Variants in ADGRD1 observed in about 807,000 individuals in gnomAD.
ADGRD1 encodes G-protein coupled receptor 133.
Under a neutral mutation model 113.4 loss-of-function variants are expected in ADGRD1, and 77 were observed. The observed-to-expected ratio is 0.68, with a 90% confidence interval of 0.57 to 0.82. ADGRD1 has a LOEUF of 0.82. Among genes scored for constraint, ADGRD1 ranks in the 40% least tolerant of loss-of-function variants. The pLI is 0.00. For synonymous variants in ADGRD1, 474 were observed against 475.0 expected, an observed-to-expected ratio of 1.00 and a Z score of 0.03; for missense variants, 1,036 against 1,139.1, an observed-to-expected ratio of 0.91 and a Z score of 1.30.
In ADGRD1 at chr12:131,003,097, A is replaced by C; in HGVS notation, c.1027-88A>C. 9.3e-7 allele frequency: 1 copy of C among 1,074,734 alleles called. No individual in the cohort carries two copies. Among genetic ancestry groups the C allele is most frequent in the Non-Finnish European group, 1.4e-6 (1 of 693,364 alleles). The allele number at this position is 1,074,734 out of a possible 1,614,324, so 66.6% of individuals were successfully genotyped here. A position where few individuals can be genotyped will look rare whatever the true frequency, so the allele number is the denominator to read the frequency against. Reference sequence around the variant, plus strand: ...CCTCCCTCGTGGCCAACGTGGGGAAACTTGATTTTGTGTGCCTGGTGCACC... The same window carrying C: ...CCTCCCTCGTGGCCAACGTGGGGAACCTTGATTTTGTGTGCCTGGTGCACC... On this transcript the variant is annotated intron_variant, in intron 9 of 24. Coordinates refer to ENST00000261654, the MANE Select transcript of ADGRD1 (RefSeq NM_198827.5). This position sits in a 1 kb window ranked among gnomAD's most constrained non-coding sequence, Gnocchi z 4.8.
intron 12 of ADGRD1, among the ~76,000 whole-genome samples, chr12:131,009,681 G>A (rs1022013423): frequency 1.3e-5 from 2 of 151,900 alleles, no homozygotes; most frequent in Admixed American, 6.6e-5. Context: ...GCATGTATGT[G>A]CTTGTGTGGT....
chr12:131,102,417 T>A (rs1443747605), intron 15 of ADGRD1, among the ~76,000 whole-genome samples: 1 of 152,166 alleles, frequency 6.6e-6, no homozygotes, highest in African/African-American at 2.4e-5. Context: ...TGCCTACCCC[T>A]CCCACAAGGC....
chr12:131,083,875 C>T (rs1391850080), intron 14 of ADGRD1, among the ~76,000 whole-genome samples: 1 of 152,150 alleles, frequency 6.6e-6, no homozygotes, highest in Non-Finnish European at 1.5e-5. Flanking sequence ...GCGGTAACAC[C>T]GTGGGGAGTT....
In ADGRD1 at chr12:131,022,482, G is replaced by A. The variant is rs963024859; in HGVS notation, c.1473+8142G>A. The stretch of plus-strand genomic sequence containing the variant: ...TTTATTAATTGGAATTCTGTGATAA[G>A]TACAAACCGTGATTTATTTATTCAG... On this transcript the variant is annotated intron_variant, in intron 13 of 24. Coordinates refer to ENST00000261654, the MANE Select transcript of ADGRD1 (RefSeq NM_198827.5). The surrounding 1 kb of genome is among the most constrained non-coding windows in gnomAD (Gnocchi z 4.6). 6.6e-6 allele frequency among the ~76,000 whole-genome samples: 1 copy of A among 152,138 alleles called. No homozygotes were observed. The highest frequency in any genetic ancestry group is 2.4e-5 in the African/African-American group (1 of 41,420).
chr12:131,117,011 G>T (rs1257948112), intron 18 of ADGRD1, among the ~76,000 whole-genome samples: 2 of 152,256 alleles, frequency 1.3e-5, no homozygotes, highest in Non-Finnish European at 2.9e-5. Flanking sequence ...AGCTTGAGGA[G>T]TGTTGCAATG....
chr12:131,024,255 G>A (rs1457986599), intron 13 of ADGRD1: 1 of 152,296 alleles, frequency 6.6e-6, no homozygotes, highest in African/African-American at 2.4e-5. Flanking sequence ...TGTGACGTCA[G>A]GGTCAGAGAG....
At chr12:131,074,015 A>T (rs1219040339) in intron 13 of ADGRD1, among the ~76,000 whole-genome samples, 2 of 152,222 alleles carry the variant, frequency 1.3e-5, no homozygotes, top group African/African-American at 4.8e-5. Context: ...AGCAATACTT[A>T]CATAAAAGCC....
chr12:131,108,652 A>T, intron 17 of ADGRD1, 72 bp from the exon 18 acceptor site: 1 of 1,605,448 alleles, frequency 6.2e-7, no homozygotes, highest in Non-Finnish European at 8.5e-7. Flanking sequence ...GGATACTGGG[A>T]GGCTGGGATC....
chr12:131,113,593 G>T lies in ADGRD1; in HGVS notation c.2041+4716G>T, dbSNP rs982333702. Among the ~76,000 whole-genome samples, 5 of 152,228 alleles carry T rather than the reference G, an allele frequency of 3.3e-5. No individual in the cohort carries two copies. The highest frequency in any genetic ancestry group is 5.9e-5 in the Non-Finnish European group (4 of 68,040). ...AGTTGGCAAATGTAATTTATCTGAG[G>T]ATTAAGTGGAGGTAAATTGTGCTCC... On this transcript the variant is annotated intron_variant, in intron 18 of 24. Transcript: ENST00000261654. The surrounding 1 kb of genome is among the most constrained non-coding windows in gnomAD (Gnocchi z 4.9).
intron 13 of ADGRD1, among the ~76,000 whole-genome samples, chr12:131,072,960 A>G (rs1885300746): frequency 6.6e-6 from 1 of 152,212 alleles, no homozygotes; most frequent in Non-Finnish European, 1.5e-5. Context: ...CCACATGCAG[A>G]TGGCACTAGT....
chr12:130,985,143 C>T (rs1044030583), intron 5 of ADGRD1, among the ~76,000 whole-genome samples: 1 of 151,600 alleles, frequency 6.6e-6, no homozygotes, highest in African/African-American at 2.4e-5. Context: ...TACTTGGTTG[C>T]CCAGGCTGGT....
chr12:131,004,023 CTT>C lies in ADGRD1; in HGVS notation c.1145-147_1145-146del, dbSNP rs56871865. On this transcript the variant is annotated intron_variant, in intron 10 of 24. Coordinates refer to ENST00000261654, the MANE Select transcript of ADGRD1 (RefSeq NM_198827.5). ...TGCCTGGGCTCTTCATTGCTTTACC[CTT>C]TTTTTTTTTTTTTTTGAGGCCATGC... Among the ~76,000 whole-genome samples, 37 of 138,976 alleles carry C rather than the reference CTT, an allele frequency of 2.7e-4. 1 individual carries two copies. Among genetic ancestry groups the C allele is most frequent in the Admixed American group, 4.3e-4 (6 of 13,992 alleles). The allele number at this position is 138,976 out of a possible 152,430, so 91.2% of individuals were successfully genotyped here. A position where few individuals can be genotyped will look rare whatever the true frequency, so the allele number is the denominator to read the frequency against.
chr12:131,123,819 C>G (rs112442370), intron 20 of ADGRD1, among the ~76,000 whole-genome samples: 49 of 149,052 alleles, frequency 3.3e-4, no homozygotes, highest in Middle Eastern at 3.4e-3. Context: ...GAGTGAGACT[C>G]CGTCTCAAAA....
At chr12:131,076,100 G>A (rs1021975068) in intron 13 of ADGRD1, among the ~76,000 whole-genome samples, 36 of 152,184 alleles carry the variant, frequency 2.4e-4, no homozygotes, top group African/African-American at 7.0e-4. Context: ...AGGAGAGAAC[G>A]CCAGTCTCCG....
intron 20 of ADGRD1, among the ~76,000 whole-genome samples, chr12:131,125,215 C>T (rs1333957724): frequency 6.6e-6 from 1 of 152,182 alleles, no homozygotes; most frequent in Non-Finnish European, 1.5e-5. Context: ...AGGCTTAGGG[C>T]TTCAGCATAT....
At chr12:131,015,482 AATGGAG>A (rs1291608341) in intron 13 of ADGRD1, among the ~76,000 whole-genome samples, 132 of 128,190 alleles carry the variant, frequency 1.0e-3, no homozygotes, top group Non-Finnish European at 1.7e-3. Context: ...TAGAGATGGA[AATGGAG>A]ATGGAGAGGG....
chr12:131,028,783 C>T (rs1038566597), intron 13 of ADGRD1, among the ~76,000 whole-genome samples: 3 of 152,226 alleles, frequency 2.0e-5, no homozygotes, highest in Non-Finnish European at 4.4e-5. Context: ...TGTCCGTCAT[C>T]CCATTTGCAT....
At chr12:130,996,093 G>A (rs1875281834) in intron 8 of ADGRD1, among the ~76,000 whole-genome samples, 1 of 152,100 alleles carries the variant, frequency 6.6e-6, no homozygotes, top group South Asian at 2.1e-4. Context: ...CAGGTTTGGG[G>A]GTAAGGTCAT....
chr12:130,961,402 C>CCT (rs146176861), intron 2 of ADGRD1, among the ~76,000 whole-genome samples: 2,785 of 150,652 alleles, frequency 0.018, 80 homozygotes, highest in African/African-American at 0.065. Context: ...TCTGCCCTTT[C>CCT]CTCTCTCTCT....
Sources: allele counts gnomAD v4.1 joint callset (sites outside exome capture counted in the v4.1 genomes callset), GRCh38; gene constraint gnomAD v4.1.1; non-coding constraint Gnocchi (gnomAD v3.1); transcripts MANE v1.5; gene names NCBI Gene and HGNC (gene_info 2026-07-23, HGNC 2026-07-21).